Variants in GRB14 observed in about 807,000 individuals in gnomAD.
The protein encoded by GRB14 is growth factor receptor-bound protein 14.
Under a neutral mutation model 69.1 loss-of-function variants are expected in GRB14, and 38 were observed. The ratio of observed to expected loss-of-function variants is 0.55; its 90% CI spans 0.42 to 0.72. The LOEUF (loss-of-function observed/expected upper bound fraction) is 0.72. Among genes scored for constraint, GRB14 ranks in the 30% least tolerant of loss-of-function variants. GRB14 has a pLI of 0.00. For synonymous variants in GRB14, 247 were observed against 241.3 expected (o/e 1.02, Z -0.22); for missense variants, 666 against 666.1 (o/e 1.00, Z 0.00).
chr2:164,498,134 A>C (rs1362444781), intron 9 of GRB14, among the ~76,000 whole-genome samples: 1 of 152,166 alleles, frequency 6.6e-6, no homozygotes, highest in East Asian at 1.9e-4. Flanking sequence ...TGAAAGAATA[A>C]TCCTGATAAT....
At chr2:164,578,552 A>ACACAC (rs1689312828) in intron 2 of GRB14, among the ~76,000 whole-genome samples, 1 of 151,420 alleles carries the variant, frequency 6.6e-6, no homozygotes, top group East Asian at 1.9e-4. Context: ...ACACACACAC[A>ACACAC]ATATACCACT....
chr2:164,619,196 T>A (rs1690380737), intron 2 of GRB14, among the ~76,000 whole-genome samples: 1 of 152,182 alleles, frequency 6.6e-6, no homozygotes, highest in South Asian at 2.1e-4. Flanking sequence ...AATGAAGACA[T>A]GTTGACCCTA....
At position 164,508,749 on chromosome 2, in the gene GRB14, C is replaced by T. The variant is rs1397398346; in HGVS notation, c.920G>A (p.Cys307Tyr). 3 of 1,581,228 alleles carry T rather than the reference C, an allele frequency of 1.9e-6. No homozygotes were observed. Among genetic ancestry groups the T allele is most frequent in the Non-Finnish European group, 8.6e-7 (1 of 1,168,018 alleles). ...KHGAPTNYGF[C>Y]FKPNKAGGPR... ...AAAATATTAAGCCTGTACCTTAAAGCAGAATCCATAGTTAGTCGGTGCTCC... is the reference window on the plus strand; with the variant it reads ...AAAATATTAAGCCTGTACCTTAAAGTAGAATCCATAGTTAGTCGGTGCTCC... The change falls in exon 7 of 14, where the codon TGC (cysteine) becomes TAC (tyrosine). Residue 307 changes from cysteine (C) to tyrosine (Y), a missense_variant. By Grantham distance (194) the Cys-to-Tyr change is radical (BLOSUM62 -2). Coordinates refer to ENST00000263915, the MANE Select transcript of GRB14 (RefSeq NM_004490.3).
chr2:164,591,985 C>T (rs765260087), intron 2 of GRB14, among the ~76,000 whole-genome samples: 5 of 152,128 alleles, frequency 3.3e-5, no homozygotes, highest in Admixed American at 6.5e-5. Context: ...ACCCCTTTTG[C>T]TTGGTTCTCA....
At chr2:164,592,992 A>C (rs774005763) in intron 2 of GRB14, among the ~76,000 whole-genome samples, 2 of 152,194 alleles carry the variant, frequency 1.3e-5, no homozygotes, top group Non-Finnish European at 2.9e-5. Flanking sequence ...AACCCATCCT[A>C]AATTATGAGT....
intron 7 of GRB14, 76 bp downstream of exon 7, chr2:164,508,666 G>T: frequency 7.0e-7 from 1 of 1,433,090 alleles, no homozygotes; most frequent in Non-Finnish European, 9.6e-7. Context: ...CTTTTCAAAA[G>T]CAATTAAAGG....
chr2:164,557,022 A>G (rs1184107090), intron 2 of GRB14, among the ~76,000 whole-genome samples: 1 of 152,208 alleles, frequency 6.6e-6, no homozygotes, highest in Non-Finnish European at 1.5e-5. Context: ...GAGAAAATTT[A>G]GGCAAATTTT....
At chr2:164,582,430 T>TA (rs1559061130) in intron 2 of GRB14, among the ~76,000 whole-genome samples, 2 of 147,218 alleles carry the variant, frequency 1.4e-5, no homozygotes, top group African/African-American at 5.0e-5. Flanking sequence ...TATTATTTTT[T>TA]TTTTTTTTTG....
chr2:164,582,523 G>T (rs1689437313), intron 2 of GRB14, among the ~76,000 whole-genome samples: 1 of 151,606 alleles, frequency 6.6e-6, no homozygotes, highest in Non-Finnish European at 1.5e-5. Flanking sequence ...CCAGGTTCAG[G>T]CAATTCTCTG....
chr2:164,566,444 G>A (rs1045169392), intron 2 of GRB14, among the ~76,000 whole-genome samples: 1 of 152,080 alleles, frequency 6.6e-6, no homozygotes, highest in Non-Finnish European at 1.5e-5. Flanking sequence ...GCATAGACTT[G>A]AGTCTAGGGA....
chr2:164,584,342 A>G (rs1689485629), intron 2 of GRB14, among the ~76,000 whole-genome samples: 1 of 151,150 alleles, frequency 6.6e-6, no homozygotes. Flanking sequence ...CTATAGTTTA[A>G]CCCAATTTCA....
chr2:164,589,940 A>T (rs575302340), intron 2 of GRB14, among the ~76,000 whole-genome samples: 10 of 152,240 alleles, frequency 6.6e-5, no homozygotes, highest in African/African-American at 1.2e-4. Context: ...ACAGACAGCC[A>T]ACTTTTCACT....
At chr2:164,553,557 G>T (rs759531988) in intron 2 of GRB14, among the ~76,000 whole-genome samples, 2 of 152,184 alleles carry the variant, frequency 1.3e-5, no homozygotes, top group African/African-American at 4.8e-5. Flanking sequence ...GATATTCCAC[G>T]CAGTAAATCT....
At chr2:164,545,291 T>C (rs59724456) in intron 3 of GRB14, among the ~76,000 whole-genome samples, 33,918 of 152,114 alleles carry the variant, frequency 0.22, 5,850 homozygotes, top group African/African-American at 0.47. Context: ...CACATCTTAA[T>C]TCCTAGAACC....
intron 2 of GRB14, among the ~76,000 whole-genome samples, chr2:164,549,903 TAAAATAAAATAAAATA>T (rs1688490235): frequency 6.7e-6 from 1 of 148,562 alleles, no homozygotes; most frequent in Non-Finnish European, 1.5e-5. Context: ...TAAAATAAAA[TAAAATAAAATAAAATA>T]AAATAAAATA....
intron 3 of GRB14, among the ~76,000 whole-genome samples, chr2:164,530,766 T>G (rs565808702): frequency 6.6e-6 from 1 of 152,110 alleles, no homozygotes; most frequent in Non-Finnish European, 1.5e-5. Context: ...GGGGATGAGA[T>G]AGTGGGTTGT....
At chr2:164,579,835 A>G (rs1460292690) in intron 2 of GRB14, among the ~76,000 whole-genome samples, 2 of 152,180 alleles carry the variant, frequency 1.3e-5, no homozygotes, top group Non-Finnish European at 2.9e-5. Context: ...CTTGATCTCT[A>G]GGAAGGAAAA....
chr2:164,619,741 AAATGGAGAACAGC>A lies in GRB14; in HGVS notation c.257_269del (p.Cys86LeufsTer20). 1 of 1,605,334 alleles carries A rather than the reference AAATGGAGAACAGC, an allele frequency of 6.2e-7. No homozygotes were observed. Among genetic ancestry groups the A allele is most frequent in the Non-Finnish European group, 8.5e-7 (1 of 1,175,152 alleles). ...ATAGGTCTGCTGACAACACAGATGT[AAATGGAGAACAGC>A]ATAGCTCAGGAAAAGGGTTTGGAAT... On this transcript the variant is annotated frameshift_variant, in exon 2 of 14. Coordinates refer to ENST00000263915, the MANE Select transcript of GRB14 (RefSeq NM_004490.3). LOFTEE classifies it high-confidence loss of function.
intron 2 of GRB14, among the ~76,000 whole-genome samples, chr2:164,596,047 C>A (rs1029475693): frequency 6.6e-6 from 1 of 152,084 alleles, no homozygotes. Context: ...TCGCTTGAAC[C>A]CAGGAGGCAG....
Sources: gnomAD v4.1 joint callset for allele counts (sites outside exome capture counted in the v4.1 genomes callset) on GRCh38, gnomAD v4.1.1 for gene constraint, MANE v1.5 for transcripts, NCBI Gene and HGNC (gene_info 2026-07-23, HGNC 2026-07-21) for gene names.